Variants in CEP70 observed in about 807,000 individuals in gnomAD.
The protein encoded by CEP70 is centrosomal protein of 70 kDa.
A neutral mutation model predicts 90.9 loss-of-function variants in CEP70; 70 were observed. The ratio of observed to expected loss-of-function variants is 0.77; its 90% CI spans 0.64 to 0.94. CEP70 has a LOEUF of 0.94. Ranked by LOEUF, CEP70 falls within the 40% of genes least tolerant of loss-of-function variation. The pLI is 0.00. For synonymous variants in CEP70, 220 were observed against 228.3 expected (o/e 0.96, Z 0.33); for missense variants, 648 against 669.0 (o/e 0.97, Z 0.35).
At chr3:138,497,541 C>G in intron 17 of CEP70, 1 of 966,960 alleles carries the variant, frequency 1.0e-6, no homozygotes, top group African/African-American at 1.8e-5. Context: ...CTAATGAAGC[C>G]CTCAATCTGA....
chr3:138,572,566 T>C (rs2041248331), intron 3 of CEP70, among the ~76,000 whole-genome samples: 1 of 152,230 alleles, frequency 6.6e-6, no homozygotes, highest in Non-Finnish European at 1.5e-5. Flanking sequence ...TTGTAAATTC[T>C]GAAAATAGTT....
chr3:138,572,472 C>G (rs193012305), intron 3 of CEP70, among the ~76,000 whole-genome samples: 1 of 152,288 alleles, frequency 6.6e-6, no homozygotes, highest in East Asian at 1.9e-4. Flanking sequence ...ACAAAATGCT[C>G]TATACATAAT....
At chr3:138,544,670 T>C (rs887191907) in intron 6 of CEP70, among the ~76,000 whole-genome samples, 5 of 152,086 alleles carry the variant, frequency 3.3e-5, no homozygotes, top group African/African-American at 9.7e-5. Flanking sequence ...TGTCCATCAA[T>C]GGATGACTGG....
At chr3:138,576,734 G>A (rs551350554) in intron 2 of CEP70, among the ~76,000 whole-genome samples, 18 of 152,300 alleles carry the variant, frequency 1.2e-4, no homozygotes, top group African/African-American at 3.8e-4. Context: ...TAAAACAACA[G>A]AAATCACAAC....
intron 2 of CEP70, among the ~76,000 whole-genome samples, chr3:138,574,915 A>G (rs1360110736): frequency 3.3e-5 from 5 of 152,240 alleles, no homozygotes; most frequent in Non-Finnish European, 5.9e-5. Flanking sequence ...CATTAACAAA[A>G]AGGACATCCA....
chr3:138,538,039 T>C (rs2038434408), intron 6 of CEP70, among the ~76,000 whole-genome samples: 1 of 152,158 alleles, frequency 6.6e-6, no homozygotes, highest in Non-Finnish European at 1.5e-5. Context: ...GAATTGCCTG[T>C]GGAAAATTTT....
intron 1 of CEP70, 44 bp from the exon 2 acceptor site, chr3:138,592,000 A>T (rs1576979869): frequency 1.5e-6 from 1 of 654,280 alleles, no homozygotes; most frequent in East Asian, 2.9e-5. Flanking sequence ...TGAAATGTTC[A>T]ACCTCCTAGT....
At chr3:138,499,493 A>G (rs78915379) in intron 16 of CEP70, among the ~76,000 whole-genome samples, 4,533 of 152,346 alleles carry the variant, frequency 0.03, 90 homozygotes, top group Middle Eastern at 0.095. Flanking sequence ...GAATTTCTCC[A>G]TATATAATAT....
chr3:138,528,048 T>G (rs1318591462), intron 10 of CEP70, among the ~76,000 whole-genome samples: 1 of 149,708 alleles, frequency 6.7e-6, no homozygotes, highest in Admixed American at 6.6e-5. Flanking sequence ...ATTTGAAGTT[T>G]TTTTTTTTTT....
intron 6 of CEP70, among the ~76,000 whole-genome samples, chr3:138,566,338 C>T (rs545483700): frequency 2.6e-5 from 4 of 152,222 alleles, no homozygotes; most frequent in African/African-American, 9.6e-5. Context: ...GGTATATACC[C>T]AAAGGATTAT....
chr3:138,501,255 G>A (rs1020566337), intron 13 of CEP70, among the ~76,000 whole-genome samples: 1 of 151,886 alleles, frequency 6.6e-6, no homozygotes, highest in Non-Finnish European at 1.5e-5. Context: ...TTGAATTTTG[G>A]TTTTGAATAT....
intron 6 of CEP70, among the ~76,000 whole-genome samples, chr3:138,567,918 A>G (rs1222289524): frequency 6.6e-6 from 1 of 152,138 alleles, no homozygotes; most frequent in Non-Finnish European, 1.5e-5. Context: ...TTCCTTCTCT[A>G]TAATAGAATG....
chr3:138,500,853 G>A lies in CEP70; in HGVS notation c.1250C>T (p.Ser417Phe). The A allele has an allele frequency of 6.3e-7, 1 of 1,592,562 alleles. No homozygotes were observed. The highest frequency in any genetic ancestry group is 8.6e-7 in the Non-Finnish European group (1 of 1,168,266). Residue 417 changes from serine to phenylalanine, a missense_variant, in exon 14 of 18, where the codon TCT (serine) becomes TTT (phenylalanine). Transcript: ENST00000264982. ...KDLYKSLKTL[S>F]AELVPWLNLK... ...ATTAAGCCAAGGTACCAGTTCTGCA[G>A]ATAGTGTTTTCAAGGACTTATACAA...
chr3:138,548,855 T>G (rs985602555), intron 6 of CEP70, among the ~76,000 whole-genome samples: 1 of 152,156 alleles, frequency 6.6e-6, no homozygotes, highest in South Asian at 2.1e-4. Flanking sequence ...CTGCAGGACC[T>G]AGGAGACACC....
At chr3:138,562,594 C>G (rs2040494380) in intron 6 of CEP70, among the ~76,000 whole-genome samples, 2 of 152,196 alleles carry the variant, frequency 1.3e-5, no homozygotes, top group Non-Finnish European at 2.9e-5. Flanking sequence ...AATTTCATAT[C>G]TAGCCAAACT....
intron 11 of CEP70, among the ~76,000 whole-genome samples, chr3:138,508,893 C>T (rs558960602): frequency 6.6e-6 from 1 of 152,174 alleles, no homozygotes; most frequent in African/African-American, 2.4e-5. Flanking sequence ...GCCACCATGC[C>T]TGGCTAATTT....
chr3:138,516,782 C>A (rs564596481), intron 11 of CEP70, among the ~76,000 whole-genome samples: 1 of 151,486 alleles, frequency 6.6e-6, no homozygotes, highest in Non-Finnish European at 1.5e-5. Context: ...ACAGAGCTGT[C>A]GCTGAAAACT....
At chr3:138,537,379 A>G (rs1460639738) in intron 6 of CEP70, 32 bp from the exon 7 acceptor site, 3 of 1,430,248 alleles carry the variant, frequency 2.1e-6, no homozygotes, top group Admixed American at 4.3e-5. Context: ...CATGATTATG[A>G]TATGTACATC....
chr3:138,508,684 T>A, intron 11 of CEP70, 140 bp from the exon 12 acceptor site: 1 of 622,832 alleles, frequency 1.6e-6, no homozygotes, highest in Non-Finnish European at 2.9e-6. Flanking sequence ...CACACATGTA[T>A]GTATGTGTAT....
Sources: allele counts gnomAD v4.1 joint callset (sites outside exome capture counted in the v4.1 genomes callset), GRCh38; gene constraint gnomAD v4.1.1; transcripts MANE v1.5; gene names NCBI Gene and HGNC (gene_info 2026-07-23, HGNC 2026-07-21).